The following AOPEP variants were observed in gnomAD, a reference collection of about 807,000 sequenced individuals.
AOPEP encodes aminopeptidase O.
In AOPEP, 77 loss-of-function variants were observed where a neutral mutation model predicts 98.1. That is an observed-to-expected ratio of 0.78 (90% CI 0.65 to 0.95). The LOEUF (loss-of-function observed/expected upper bound fraction) is 0.95, where lower values mean the gene tolerates loss of function less well. AOPEP is among the 40% of genes least tolerant of loss of function. The pLI, the probability that AOPEP is intolerant of heterozygous loss-of-function variation, is 0.00. For synonymous variants in AOPEP, 346 were observed against 365.3 expected (o/e 0.95, Z 0.60); for missense variants, 1,024 against 1,024.7 (o/e 1.00, Z 0.01).
chr9:94,970,810 C>A (rs1412215228), intron 10 of AOPEP, among the ~76,000 whole-genome samples: 21 of 151,218 alleles, frequency 1.4e-4, no homozygotes, highest in Non-Finnish European at 2.9e-4. Context: ...TTTTCCTTTT[C>A]TTCGTACCTA....
chr9:95,097,832 A>C, the AOPEP span, among the ~76,000 whole-genome samples: 1 of 152,112 alleles, frequency 6.6e-6, no homozygotes, highest in Non-Finnish European at 1.5e-5. Context: ...TTTTAGGAGG[A>C]GGCTTGAAGA....
the AOPEP span, among the ~76,000 whole-genome samples, chr9:95,096,511 T>C: frequency 6.6e-6 from 1 of 152,154 alleles, no homozygotes. Context: ...CCAGTGGTGA[T>C]GCCCAACAGG....
intron 1 of AOPEP, among the ~76,000 whole-genome samples, chr9:94,741,414 AG>A (rs1833069836): frequency 6.6e-6 from 1 of 151,872 alleles, no homozygotes; most frequent in African/African-American, 2.4e-5. Flanking sequence ...CTGGGACTAC[AG>A]GCGCCCGCCA....
At chr9:95,018,971 C>T (rs1416753655) in intron 13 of AOPEP, 2 of 152,092 alleles carry the variant, frequency 1.3e-5, no homozygotes, top group Non-Finnish European at 2.9e-5. Context: ...CGATGCCATC[C>T]GTTTGTTTTT....
chr9:94,855,713 G>C (rs1446998439), intron 5 of AOPEP, among the ~76,000 whole-genome samples: 2 of 152,078 alleles, frequency 1.3e-5, no homozygotes, highest in East Asian at 3.9e-4. Flanking sequence ...AAAAGAAAAA[G>C]AAATTGTGGG....
chr9:95,031,409 C>T (rs150074148), intron 13 of AOPEP, among the ~76,000 whole-genome samples: 47 of 152,234 alleles, frequency 3.1e-4, no homozygotes, highest in East Asian at 1.4e-3. Context: ...GCATTCTTCA[C>T]GTGTACCCAG....
chr9:94,821,234 T>TG (rs1377962818), intron 5 of AOPEP, among the ~76,000 whole-genome samples: 2 of 152,164 alleles, frequency 1.3e-5, no homozygotes, highest in African/African-American at 4.8e-5. Context: ...TTAGCTGGTG[T>TG]GGGGACCTGC....
chr9:94,917,179 T>C (rs982324917), intron 5 of AOPEP, among the ~76,000 whole-genome samples: 1 of 152,128 alleles, frequency 6.6e-6, no homozygotes, highest in Non-Finnish European at 1.5e-5. Context: ...CAACGTTCTC[T>C]CGGGATGTGT....
At chr9:94,999,181 A>G (rs1294689225) in intron 11 of AOPEP, among the ~76,000 whole-genome samples, 3 of 152,168 alleles carry the variant, frequency 2.0e-5, no homozygotes, top group Non-Finnish European at 2.9e-5. Context: ...TACTTTATTG[A>G]GTTATCCTCT....
At position 95,005,219 on chromosome 9, in the gene AOPEP, A is replaced by C. The variant is rs192735443; in HGVS notation, c.2039A>C (p.Glu680Ala). ...GGGCTTGCGCGGCAAGTGCGCGCCG[A>C]GGTGAGTGCGGGCGGCGCGGTCCCT... ...ECGLARQVRA[E>A]VTKWIGVNRR... is the part of the protein sequence containing the mutation. The change falls in exon 12 of 17, where the codon GAG becomes GCG. Residue 680 changes from glutamate to alanine, a missense_variant and splice_region_variant. Coordinates refer to ENST00000375315, the MANE Select transcript of AOPEP (RefSeq NM_001193329.3). 460 of 1,109,646 alleles carry C rather than the reference A, an allele frequency of 4.1e-4. 6 individuals carry two copies. In the East Asian group the frequency reaches 0.024, roughly 57 times the overall value. 68.7% of individuals were successfully genotyped at this position (1,109,646 alleles called of 1,614,324 possible).
At chr9:94,877,270 T>G (rs1343701399) in intron 5 of AOPEP, among the ~76,000 whole-genome samples, 1 of 152,136 alleles carries the variant, frequency 6.6e-6, no homozygotes, top group Non-Finnish European at 1.5e-5. Flanking sequence ...GTTGCATTTG[T>G]GCAAGGGTCA....
At chr9:94,877,286 A>G (rs914883100) in intron 5 of AOPEP, among the ~76,000 whole-genome samples, 19 of 152,142 alleles carry the variant, frequency 1.2e-4, no homozygotes, top group African/African-American at 3.9e-4. Context: ...GGTCAGTTAA[A>G]TTTATTTGTC....
intron 14 of AOPEP, among the ~76,000 whole-genome samples, chr9:95,079,359 C>T (rs1042342188): frequency 1.3e-5 from 2 of 152,218 alleles, no homozygotes; most frequent in East Asian, 3.8e-4. Flanking sequence ...ATTATTGCTG[C>T]AAATATATTA....
At chr9:95,062,026 C>T (rs548415170) in intron 14 of AOPEP, among the ~76,000 whole-genome samples, 2 of 152,326 alleles carry the variant, frequency 1.3e-5, no homozygotes, top group African/African-American at 4.8e-5. Context: ...TGGGCATGGA[C>T]AGACCAGAGG....
the AOPEP span, among the ~76,000 whole-genome samples, chr9:95,132,911 G>C: frequency 0.01 from 1,590 of 152,268 alleles, 28 homozygotes; most frequent in African/African-American, 0.037. Flanking sequence ...TCCCAAGAGA[G>C]AGAAATATAA....
intron 1 of AOPEP, among the ~76,000 whole-genome samples, chr9:94,731,790 CTTTTTT>C (rs564831468): frequency 5.1e-4 from 44 of 86,280 alleles, no homozygotes; most frequent in African/African-American, 2.1e-3. Context: ...TCTCTTTTGC[CTTTTTT>C]TTTTTTTTTT....
intron 5 of AOPEP, among the ~76,000 whole-genome samples, chr9:94,818,556 T>C (rs1852209130): frequency 6.6e-6 from 1 of 152,224 alleles, no homozygotes; most frequent in Admixed American, 6.5e-5. Context: ...TAGGTTTTCC[T>C]TCAAGGCTGT....
the AOPEP span, among the ~76,000 whole-genome samples, chr9:95,121,682 A>G: frequency 1.3e-5 from 2 of 152,208 alleles, no homozygotes; most frequent in African/African-American, 4.8e-5. Context: ...GGCAACGTCA[A>G]GAAGTCTCTG....
chr9:94,882,436 C>CT (rs540269912), intron 5 of AOPEP, among the ~76,000 whole-genome samples: 251 of 152,270 alleles, frequency 1.6e-3, no homozygotes, highest in Non-Finnish European at 2.9e-3. Context: ...TTAAAATCCC[C>CT]TTTTTTCTAA....
Sources: allele counts gnomAD v4.1 joint callset (sites outside exome capture counted in the v4.1 genomes callset), GRCh38; gene constraint gnomAD v4.1.1; transcripts MANE v1.5; gene names NCBI Gene and HGNC (gene_info 2026-07-23, HGNC 2026-07-21).